Variants in KIAA0753 observed in about 807,000 individuals in gnomAD.
KIAA0753 encodes KIAA0753.
In KIAA0753, 114 loss-of-function variants were observed where a neutral mutation model predicts 116.9. The ratio of observed to expected loss-of-function variants is 0.98; its 90% CI spans 0.84 to 1.14. The LOEUF is 1.14. KIAA0753 is among the 50% of genes most tolerant of loss of function. The pLI is 0.00. For missense variants in KIAA0753, 1,156 were observed against 1,172.4 expected, an observed-to-expected ratio of 0.99 and a Z score of 0.20; for synonymous variants, 405 against 413.1, an observed-to-expected ratio of 0.98 and a Z score of 0.24.
chr17:6,597,584 G>A (rs1969570860), intron 14 of KIAA0753, among the ~76,000 whole-genome samples: 1 of 152,194 alleles, frequency 6.6e-6, no homozygotes, highest in Admixed American at 6.5e-5. Flanking sequence ...TTGGCCATGT[G>A]TATGTATAAC....
chr17:6,588,572 G>C (rs1289010942), intron 18 of KIAA0753, among the ~76,000 whole-genome samples: 2 of 152,164 alleles, frequency 1.3e-5, no homozygotes, highest in East Asian at 3.9e-4. Context: ...TTATTGAGAG[G>C]CTGGCTACTG....
chr17:6,580,986 G>C (rs1186204299), intron 18 of KIAA0753, among the ~76,000 whole-genome samples: 1 of 151,330 alleles, frequency 6.6e-6, no homozygotes, highest in Non-Finnish European at 1.5e-5. Context: ...CTACAAACAA[G>C]GACATTCTCT....
At chr17:6,633,760 T>G (rs764515603) in intron 2 of KIAA0753, among the ~76,000 whole-genome samples, 19 of 152,096 alleles carry the variant, frequency 1.2e-4, no homozygotes, top group Non-Finnish European at 2.4e-4. Context: ...CTCAAAAACT[T>G]TACAGCTAGT....
chr17:6,594,501 CTA>C (rs1274204260), intron 16 of KIAA0753, among the ~76,000 whole-genome samples: 2 of 152,158 alleles, frequency 1.3e-5, no homozygotes, highest in African/African-American at 4.8e-5. Flanking sequence ...ATATGAAACT[CTA>C]GACAATCAAA....
intron 7 of KIAA0753, among the ~76,000 whole-genome samples, chr17:6,614,141 T>C (rs748911200): frequency 6.6e-6 from 1 of 152,192 alleles, no homozygotes; most frequent in Non-Finnish European, 1.5e-5. Flanking sequence ...CAATGAGATA[T>C]CATTTTAAAT....
intron 12 of KIAA0753, among the ~76,000 whole-genome samples, chr17:6,602,022 G>A (rs1027858809): frequency 6.6e-6 from 1 of 152,180 alleles, no homozygotes; most frequent in Admixed American, 6.5e-5. Context: ...TAGAAAAGGT[G>A]CCCAACATCA....
At chr17:6,629,637 G>C (rs997926360) in intron 2 of KIAA0753, among the ~76,000 whole-genome samples, 84 of 152,142 alleles carry the variant, frequency 5.5e-4, no homozygotes, top group African/African-American at 2.0e-3. Context: ...TCAAAGACCG[G>C]TCAATAGCCT....
At position 6,628,794 on chromosome 17, in the gene KIAA0753, A is replaced by T. The variant is rs147011492; in HGVS notation, c.94-53T>A. The T allele has an allele frequency of 7.1e-5, 107 of 1,508,870 alleles. 2 individuals carry two copies. The African/African-American group carries it at 1.3e-3, about 18-fold the overall frequency. The allele number at this position is 1,508,870 out of a possible 1,614,324, so 93.5% of individuals were successfully genotyped here. ...ACATCAGAAAAATTTCATATTGCAC[A>T]GTTGGTATATGTCTATAATCAAATT... On this transcript the variant is annotated intron_variant, in intron 2 of 18. Coordinates refer to ENST00000361413, the MANE Select transcript of KIAA0753 (RefSeq NM_014804.3).
intron 11 of KIAA0753, 87 bp downstream of exon 11, chr17:6,607,094 G>T: frequency 7.2e-7 from 1 of 1,396,674 alleles, no homozygotes; most frequent in Non-Finnish European, 1.0e-6. Flanking sequence ...AGTGTAGCTA[G>T]ACCTAAATAA....
intron 6 of KIAA0753, 99 bp from the exon 7 acceptor site, chr17:6,621,097 T>G: frequency 9.9e-7 from 1 of 1,009,056 alleles, no homozygotes; most frequent in Non-Finnish European, 1.5e-6. Context: ...AATGTGTTAT[T>G]AAATGGCTAT....
chr17:6,598,992 G>A (rs1969664798), intron 14 of KIAA0753, among the ~76,000 whole-genome samples: 1 of 152,220 alleles, frequency 6.6e-6, no homozygotes, highest in Non-Finnish European at 1.5e-5. Context: ...TTATCCAGAG[G>A]AAGGATAGAG....
chr17:6,601,635 A>G (rs925733801), intron 12 of KIAA0753, among the ~76,000 whole-genome samples: 9 of 152,236 alleles, frequency 5.9e-5, no homozygotes, highest in Admixed American at 5.2e-4. Flanking sequence ...CCAGTATTTC[A>G]TCTCATACAC....
intron 16 of KIAA0753, among the ~76,000 whole-genome samples, chr17:6,593,108 A>G (rs1969192450): frequency 6.6e-6 from 1 of 152,230 alleles, no homozygotes; most frequent in Non-Finnish European, 1.5e-5. Context: ...AAACAAAAAC[A>G]TGTATCTGGA....
At chr17:6,593,854 C>T (rs1353517176) in intron 16 of KIAA0753, among the ~76,000 whole-genome samples, 1 of 152,180 alleles carries the variant, frequency 6.6e-6, no homozygotes, top group African/African-American at 2.4e-5. Flanking sequence ...CACTGCACTC[C>T]AGCCTGGGGA....
chr17:6,588,636 A>G (rs955355883), intron 18 of KIAA0753, among the ~76,000 whole-genome samples: 1 of 152,200 alleles, frequency 6.6e-6, no homozygotes, highest in Non-Finnish European at 1.5e-5. Flanking sequence ...AAGAAATGTA[A>G]TCATAGTACA....
At chr17:6,633,771 G>A (rs1452539136) in intron 2 of KIAA0753, among the ~76,000 whole-genome samples, 2 of 152,128 alleles carry the variant, frequency 1.3e-5, no homozygotes, top group Non-Finnish European at 2.9e-5. Context: ...TACAGCTAGT[G>A]AAATGTCTTA....
In KIAA0753 at chr17:6,595,024, A is replaced by C. The variant is rs537332793; in HGVS notation, c.2388T>G (p.Tyr796Ter). 6.2e-6 allele frequency: 10 copies of C among 1,612,022 alleles called. No homozygotes were observed. The South Asian group carries it at 1.1e-4, about 18-fold the overall frequency. ...GAGGATCAGCATATGCGATTTTATT[A>C]TATCTTTGACGAACAGACTCCTGGT... ...EKYQESVRQR[Y>*]NKIAYADPRL... Residue 796 changes from tyrosine (Y) to a stop codon, truncating the protein, a stop_gained, in exon 16 of 19, where the codon TAT becomes TAG. Coordinates refer to ENST00000361413, the MANE Select transcript of KIAA0753 (RefSeq NM_014804.3). LOFTEE classifies it high-confidence loss of function.
At chr17:6,597,958 G>A (rs1454922401) in intron 14 of KIAA0753, among the ~76,000 whole-genome samples, 1 of 152,206 alleles carries the variant, frequency 6.6e-6, no homozygotes, top group Non-Finnish European at 1.5e-5. Context: ...TGACGGTGCT[G>A]CCTGGAATAC....
Position 6,620,928 on chromosome 17 carries a change from C to G in KIAA0753, c.1175G>C (p.Ser392Thr), listed in dbSNP as rs1971275930. Residue 392 changes from serine (S) to threonine (T), a missense_variant, in exon 7 of 19, where the codon AGC becomes ACC. By Grantham distance (58) the Ser-to-Thr change is moderately conservative. Coordinates refer to ENST00000361413, the MANE Select transcript of KIAA0753 (RefSeq NM_014804.3). ...KVKKCFSEIR[S>T]RFPIGSQKAL... ...CTTTTGGCTACCGATAGGAAATCTGCTCCGAATTTCACTGAAACATTTTTT... is the reference window on the plus strand; with the variant it reads ...CTTTTGGCTACCGATAGGAAATCTGGTCCGAATTTCACTGAAACATTTTTT... The G allele has an allele frequency of 6.2e-7, 1 of 1,614,156 alleles. No homozygotes were observed. The highest frequency in any genetic ancestry group is 8.5e-7 in the Non-Finnish European group (1 of 1,180,018).
Sources: allele counts gnomAD v4.1 joint callset (sites outside exome capture counted in the v4.1 genomes callset), GRCh38; gene constraint gnomAD v4.1.1; transcripts MANE v1.5; gene names NCBI Gene and HGNC (gene_info 2026-07-23, HGNC 2026-07-21).